GALNT14: variants seen among roughly 807,000 people sequenced by gnomAD.
GALNT14 encodes polypeptide N-acetylgalactosaminyltransferase 14, also known as UDP-GalNAc:polypeptide N-acetylgalactosaminyltransferase 14.
A neutral mutation model predicts 77.5 loss-of-function variants in GALNT14; 60 were observed. The ratio of observed to expected loss-of-function variants is 0.77; its 90% CI spans 0.63 to 0.96. The LOEUF is 0.96. Ranked by LOEUF, GALNT14 falls within the 40% of genes least tolerant of loss-of-function variation. GALNT14 has a pLI of 0.00. For missense variants in GALNT14, 710 were observed against 731.0 expected (o/e 0.97, Z 0.33); for synonymous variants, 280 against 281.7 (o/e 0.99, Z 0.06).
intron 1 of GALNT14, among the ~76,000 whole-genome samples, chr2:31,065,595 G>C (rs1222353235): frequency 1.3e-5 from 2 of 152,146 alleles, no homozygotes; most frequent in African/African-American, 4.8e-5. Context: ...CCTTGGAATG[G>C]GCAGATGCTG....
chr2:30,905,307 CT>C, the GALNT14 span, among the ~76,000 whole-genome samples: 1 of 151,744 alleles, frequency 6.6e-6, no homozygotes, highest in Non-Finnish European at 1.5e-5. Flanking sequence ...AAGTGGAAAA[CT>C]TTGAAAAAAA....
At chr2:31,112,588 G>T (rs1677898340) in intron 1 of GALNT14, among the ~76,000 whole-genome samples, 1 of 152,168 alleles carries the variant, frequency 6.6e-6, no homozygotes, top group Non-Finnish European at 1.5e-5. Flanking sequence ...CCATGACCTA[G>T]GTCATATTCC....
chr2:30,988,424 T>C (rs1414052279), intron 2 of GALNT14, among the ~76,000 whole-genome samples: 1 of 152,082 alleles, frequency 6.6e-6, no homozygotes, highest in Admixed American at 6.5e-5. Flanking sequence ...GTAGAGGTGA[T>C]GCCAATTGCT....
intron 1 of GALNT14, among the ~76,000 whole-genome samples, chr2:30,996,468 G>GCCT (rs1274658435): frequency 2.0e-5 from 3 of 152,246 alleles, no homozygotes; most frequent in African/African-American, 7.2e-5. Flanking sequence ...GTGGGTCATT[G>GCCT]CCTCCCTGTG....
intron 1 of GALNT14, among the ~76,000 whole-genome samples, chr2:31,057,027 G>A (rs558269692): frequency 8.5e-4 from 129 of 152,156 alleles, no homozygotes; most frequent in African/African-American, 2.9e-3. Context: ...ATTAACACGG[G>A]AACAGAAAAT....
chr2:31,124,436 T>C (rs1312471946), intron 1 of GALNT14, among the ~76,000 whole-genome samples: 1 of 152,240 alleles, frequency 6.6e-6, no homozygotes, highest in Non-Finnish European at 1.5e-5. Context: ...TACCAGGCGT[T>C]GTTCTGTAAG....
intron 1 of GALNT14, among the ~76,000 whole-genome samples, chr2:31,122,197 T>C (rs1323892008): frequency 1.3e-5 from 2 of 152,104 alleles, no homozygotes; most frequent in African/African-American, 4.8e-5. Flanking sequence ...CACAGGGGGC[T>C]CCGGGTACCA....
chr2:31,126,886 T>A (rs912905872), intron 1 of GALNT14: 1 of 151,976 alleles, frequency 6.6e-6, no homozygotes, highest in Non-Finnish European at 1.5e-5. Context: ...TAAAAGGGAG[T>A]AAGACGTGGG....
chr2:30,989,583 A>ATATATATAAAT (rs56703340), intron 2 of GALNT14, among the ~76,000 whole-genome samples: 22 of 91,876 alleles, frequency 2.4e-4, no homozygotes, highest in Middle Eastern at 5.1e-3. Context: ...TATATATATA[A>ATATATATAAAT]AAATATATAT....
At chr2:31,002,530 G>A (rs1670427876) in intron 1 of GALNT14, among the ~76,000 whole-genome samples, 1 of 151,888 alleles carries the variant, frequency 6.6e-6, no homozygotes, top group South Asian at 2.1e-4. Flanking sequence ...TCAGCCACAA[G>A]ACCACTCTTC....
At chr2:31,037,432 T>C (rs1672807907) in intron 1 of GALNT14, among the ~76,000 whole-genome samples, 1 of 152,242 alleles carries the variant, frequency 6.6e-6, no homozygotes, top group African/African-American at 2.4e-5. Flanking sequence ...CTTTAGTTAT[T>C]TGAACATATT....
chr2:31,079,788 A>G (rs543094340), intron 1 of GALNT14, among the ~76,000 whole-genome samples: 2 of 152,208 alleles, frequency 1.3e-5, no homozygotes, highest in South Asian at 4.2e-4. Flanking sequence ...CGGTCCTACA[A>G]CCCAACACGG....
the GALNT14 span, among the ~76,000 whole-genome samples, chr2:30,894,661 T>A: frequency 1.3e-5 from 2 of 152,248 alleles, no homozygotes; most frequent in African/African-American, 4.8e-5. Context: ...GCTGAACTAC[T>A]TCCGGTGGTT....
chr2:30,947,731 T>G (rs1394756799), intron 6 of GALNT14, among the ~76,000 whole-genome samples: 1 of 152,244 alleles, frequency 6.6e-6, no homozygotes, highest in Non-Finnish European at 1.5e-5. Context: ...TTTAATTTCC[T>G]GGTTCATTCT....
chr2:31,110,862 CAG>C (rs1573363896), intron 1 of GALNT14, among the ~76,000 whole-genome samples: 1 of 152,096 alleles, frequency 6.6e-6, no homozygotes, highest in Admixed American at 6.6e-5. Flanking sequence ...TCTTAAAAGT[CAG>C]ATTTTTTAAA....
chr2:31,053,258 C>T (rs1674002555), intron 1 of GALNT14, among the ~76,000 whole-genome samples: 1 of 152,168 alleles, frequency 6.6e-6, no homozygotes, highest in Non-Finnish European at 1.5e-5. Context: ...TGTACCCCAA[C>T]ATAATAGGTA....
At position 31,055,372 on chromosome 2, in the gene GALNT14, C is replaced by T. The variant is rs145296908; in HGVS notation, c.130-62365G>A. 6.5e-4 allele frequency among the ~76,000 whole-genome samples: 99 copies of T among 152,344 alleles called. 1 individual carries two copies. The highest frequency in any genetic ancestry group is 2.3e-3 in the African/African-American group (95 of 41,590). ...TCTGACCTTTGAATAGCACTTTAAACGCTTCAATTAAAGGCACTATATAAA... is the reference window on the plus strand; with the variant it reads ...TCTGACCTTTGAATAGCACTTTAAATGCTTCAATTAAAGGCACTATATAAA... On this transcript the variant is annotated intron_variant, in intron 1 of 14. Coordinates refer to ENST00000349752, the MANE Select transcript of GALNT14 (RefSeq NM_024572.4).
At chr2:30,902,476 C>T in the GALNT14 span, among the ~76,000 whole-genome samples, 1 of 152,016 alleles carries the variant, frequency 6.6e-6, no homozygotes, top group East Asian at 1.9e-4. Flanking sequence ...TCGTTATCAC[C>T]CCAAGGGCTT....
At chr2:31,076,412 G>C (rs1374613364) in intron 1 of GALNT14, among the ~76,000 whole-genome samples, 1 of 152,082 alleles carries the variant, frequency 6.6e-6, no homozygotes, top group African/African-American at 2.4e-5. Flanking sequence ...CTCTGCTCCT[G>C]TCTCCACCCC....
Sources: gnomAD v4.1 joint callset for allele counts (sites outside exome capture counted in the v4.1 genomes callset) on GRCh38, gnomAD v4.1.1 for gene constraint, MANE v1.5 for transcripts, NCBI Gene and HGNC (gene_info 2026-07-23, HGNC 2026-07-21) for gene names.